FILIP1L: variants seen among roughly 807,000 people sequenced by gnomAD.
FILIP1L encodes filamin A interacting protein 1 like.
In FILIP1L, 55 loss-of-function variants were observed where a neutral mutation model predicts 96.6. That is an observed-to-expected ratio of 0.57 (90% CI 0.46 to 0.71). FILIP1L has a LOEUF of 0.71. FILIP1L is among the 30% of genes least tolerant of loss of function. The pLI is 0.00. For synonymous variants in FILIP1L, 467 were observed against 473.9 expected, an observed-to-expected ratio of 0.99 and a Z score of 0.19; for missense variants, 1,304 against 1,321.2, an observed-to-expected ratio of 0.99 and a Z score of 0.20.
At chr3:100,063,016 G>A (rs1423369585) in intron 1 of FILIP1L, among the ~76,000 whole-genome samples, 1 of 152,210 alleles carries the variant, frequency 6.6e-6, no homozygotes, top group Non-Finnish European at 1.5e-5. Flanking sequence ...AAATTTCTAG[G>A]AGTTCTCAGG....
At chr3:100,111,618 T>C (rs979097766) in intron 1 of FILIP1L, among the ~76,000 whole-genome samples, 11 of 152,166 alleles carry the variant, frequency 7.2e-5, no homozygotes, top group African/African-American at 2.7e-4. Flanking sequence ...GCTCCAGTGA[T>C]TGACCATCAG....
intron 1 of FILIP1L, among the ~76,000 whole-genome samples, chr3:99,989,500 C>T (rs1709449357): frequency 6.6e-6 from 1 of 152,198 alleles, no homozygotes; most frequent in South Asian, 2.1e-4. Flanking sequence ...CAACCCTTGA[C>T]TCCATTTCCT....
rs567519881 is a variant in FILIP1L at position 99,971,075 on chromosome 3, C to T, written c.-10-40045G>A. On this transcript the variant is annotated intron_variant, in intron 1 of 5. Transcript: ENST00000477258. ...TATGGGGGCTGGGCGTGGTGGCTCA[C>T]GCCTGTAATCCCAGCACTTTGGGAG... 8.5e-5 allele frequency among the ~76,000 whole-genome samples: 13 copies of T among 152,258 alleles called. No individual in the cohort carries two copies. In the South Asian group the frequency reaches 1.0e-3, roughly 12 times the overall value.
At chr3:99,892,710 A>G (rs1378562685) in intron 4 of FILIP1L, among the ~76,000 whole-genome samples, 1 of 151,940 alleles carries the variant, frequency 6.6e-6, no homozygotes, top group Non-Finnish European at 1.5e-5. Context: ...ACTCTCCCCC[A>G]ATTCCTTACT....
At chr3:100,072,867 T>C (rs781404466) in intron 1 of FILIP1L, among the ~76,000 whole-genome samples, 4 of 152,190 alleles carry the variant, frequency 2.6e-5, no homozygotes, top group African/African-American at 9.6e-5. Context: ...ATAAACTACC[T>C]ACCCACTTCC....
intron 1 of FILIP1L, among the ~76,000 whole-genome samples, chr3:99,973,468 A>G (rs1337415596): frequency 6.6e-6 from 1 of 152,198 alleles, no homozygotes; most frequent in Non-Finnish European, 1.5e-5. Context: ...GCAGTTATAA[A>G]TACATATGAA....
At chr3:99,965,421 T>C (rs1420078120) in intron 1 of FILIP1L, among the ~76,000 whole-genome samples, 1 of 152,344 alleles carries the variant, frequency 6.6e-6, no homozygotes, top group East Asian at 1.9e-4. Context: ...ACTCTGTGGA[T>C]GTACCAGCAT....
chr3:99,988,511 C>CAAAAAAA (rs757175318), intron 1 of FILIP1L, among the ~76,000 whole-genome samples: 2 of 47,840 alleles, frequency 4.2e-5, no homozygotes, highest in African/African-American at 6.8e-5. Context: ...GACTCCATCT[C>CAAAAAAA]AAAAAAAAAA....
chr3:99,927,918 T>C (rs1216749960), intron 3 of FILIP1L, among the ~76,000 whole-genome samples: 2 of 152,182 alleles, frequency 1.3e-5, no homozygotes, highest in Admixed American at 1.3e-4. Context: ...TGTCGTGTCA[T>C]GTAACCGAGA....
chr3:99,998,663 C>T (rs987915278), intron 1 of FILIP1L, among the ~76,000 whole-genome samples: 17 of 152,104 alleles, frequency 1.1e-4, no homozygotes, highest in African/African-American at 3.6e-4. Context: ...CCCGGGTTCA[C>T]GCGATTCTCC....
intron 1 of FILIP1L, among the ~76,000 whole-genome samples, chr3:100,017,029 T>G (rs1710364133): frequency 6.6e-6 from 1 of 152,226 alleles, no homozygotes; most frequent in Non-Finnish European, 1.5e-5. Context: ...TTTGTTAGTT[T>G]TTCAAATTCA....
At chr3:100,091,056 T>C (rs954822095) in intron 1 of FILIP1L, among the ~76,000 whole-genome samples, 118 of 151,874 alleles carry the variant, frequency 7.8e-4, no homozygotes, top group African/African-American at 2.5e-3. Context: ...GAGGCCGAGG[T>C]GGGCGGATCA....
chr3:100,038,235 C>T (rs1255505313), intron 1 of FILIP1L, among the ~76,000 whole-genome samples: 5 of 152,200 alleles, frequency 3.3e-5, no homozygotes, highest in South Asian at 2.1e-4. Flanking sequence ...TGATTACAGG[C>T]GTGAGCCACC....
At chr3:100,094,555 C>T (rs1393589418) in intron 1 of FILIP1L, among the ~76,000 whole-genome samples, 2 of 150,736 alleles carry the variant, frequency 1.3e-5, no homozygotes, top group African/African-American at 2.4e-5. Context: ...TTATGTTTTA[C>T]ATTTAGCTTC....
At chr3:99,843,372 G>C (rs1943217253) in intron 5 of FILIP1L, among the ~76,000 whole-genome samples, 1 of 152,124 alleles carries the variant, frequency 6.6e-6, no homozygotes, top group Non-Finnish European at 1.5e-5. Context: ...TTTTTATTGA[G>C]CTTTCCTTTT....
At chr3:99,874,769 T>G (rs1576538875) in intron 4 of FILIP1L, among the ~76,000 whole-genome samples, 1 of 152,222 alleles carries the variant, frequency 6.6e-6, no homozygotes, top group African/African-American at 2.4e-5. Flanking sequence ...TGTGTTTCAA[T>G]GATAAAATCT....
At chr3:99,937,453 G>A (rs1707714632) in intron 1 of FILIP1L, among the ~76,000 whole-genome samples, 1 of 152,140 alleles carries the variant, frequency 6.6e-6, no homozygotes, top group Non-Finnish European at 1.5e-5. Context: ...TGAAGTGGCA[G>A]GAGACATGTC....
At chr3:99,847,407 C>T (rs1943414982) in intron 5 of FILIP1L, among the ~76,000 whole-genome samples, 1 of 151,346 alleles carries the variant, frequency 6.6e-6, no homozygotes, top group African/African-American at 2.4e-5. Context: ...TGGCTGGTTC[C>T]AGATTTGGTT....
rs202185655 is a variant in FILIP1L at position 100,071,040 on chromosome 3, C to CT, written c.-11+43012dup. Among the ~76,000 whole-genome samples the CT allele has an allele frequency of 9.2e-3, 1,060 of 115,302 alleles. 19 individuals are homozygous for CT. Among genetic ancestry groups the CT allele is most frequent in the African/African-American group, 0.032 (973 of 30,342 alleles). 75.6% of individuals were successfully genotyped at this position (115,302 alleles called of 152,430 possible). On this transcript the variant is annotated intron_variant, in intron 1 of 5. Transcript: ENST00000477258. Reference sequence around the variant, plus strand: ...TATACAGAAAAAAATAAGCCAAGTTCTTTTTTTAAAAGAAAGGGGTTTGTT... The same window carrying CT: ...TATACAGAAAAAAATAAGCCAAGTTCTTTTTTTTAAAAGAAAGGGGTTTGTT...
Sources: gnomAD v4.1 joint callset for allele counts (sites outside exome capture counted in the v4.1 genomes callset) on GRCh38, gnomAD v4.1.1 for gene constraint, MANE v1.5 for transcripts, NCBI Gene and HGNC (gene_info 2026-07-23, HGNC 2026-07-21) for gene names.